ZBBX: variants seen among roughly 807,000 people sequenced by gnomAD.
ZBBX encodes the protein zinc finger B-box domain-containing protein 1.
ZBBX carries 101 observed loss-of-function variants against 108.5 expected under a neutral mutation model. That is an observed-to-expected ratio of 0.93 (90% CI 0.79 to 1.10). ZBBX has a LOEUF of 1.10. Among genes scored for constraint, ZBBX ranks in the 50% least tolerant of loss-of-function variants. The probability of loss-of-function intolerance (pLI) is 0.00; values close to 1 mark genes in which losing one functional copy is unlikely to be tolerated. For synonymous variants in ZBBX, 356 were observed against 323.4 expected (o/e 1.10, Z -1.08); for missense variants, 1,009 against 941.4 (o/e 1.07, Z -0.94).
At chr3:167,399,000 C>T (rs1004628979) in intron 1 of ZBBX, among the ~76,000 whole-genome samples, 3 of 150,904 alleles carry the variant, frequency 2.0e-5, no homozygotes, top group Admixed American at 6.6e-5. Flanking sequence ...TAACAATTAG[C>T]GTGCTCAGCC....
the ZBBX span, among the ~76,000 whole-genome samples, chr3:167,226,398 C>T: frequency 2.0e-5 from 3 of 151,788 alleles, no homozygotes; most frequent in African/African-American, 7.2e-5. Context: ...CTGTCCCTCC[C>T]CTTATTATTA....
In ZBBX at chr3:167,317,553, G is replaced by A; in HGVS notation, c.1028C>T (p.Pro343Leu). 1.2e-6 allele frequency: 2 copies of A among 1,610,812 alleles called. No individual in the cohort carries two copies. Among genetic ancestry groups the A allele is most frequent in the Non-Finnish European group, 1.7e-6 (2 of 1,178,270 alleles). ...QLFKMLPDTFPHPHETTGDAQ... is the reference protein window; with the variant it reads ...QLFKMLPDTFLHPHETTGDAQ... ...ATCACCAGTGGTTTCATGTGGATGTGGGAACGTATCTGGTAGCATTTTAAA... is the reference window on the plus strand; with the variant it reads ...ATCACCAGTGGTTTCATGTGGATGTAGGAACGTATCTGGTAGCATTTTAAA... The change falls in exon 13 of 22, where the codon CCA becomes CTA. Residue 343 changes from proline to leucine, a missense_variant. Pro to Leu is a moderately conservative substitution (Grantham distance 98). Coordinates refer to ENST00000675490, the MANE Select transcript of ZBBX (RefSeq NM_001199201.2).
chr3:167,348,261 G>GGGAAGGAAGGAA (rs71176640), intron 9 of ZBBX, among the ~76,000 whole-genome samples: 6,890 of 74,590 alleles, frequency 0.092, 660 homozygotes, highest in Middle Eastern at 0.11. Flanking sequence ...GAGGGTGGAA[G>GGGAAGGAAGGAA]GGAAGGAAGG....
At chr3:167,215,961 G>A in the ZBBX span, among the ~76,000 whole-genome samples, 58 of 152,184 alleles carry the variant, frequency 3.8e-4, no homozygotes, top group Middle Eastern at 0.01. Flanking sequence ...AATAAACTAG[G>A]TATTGAAGAA....
At chr3:167,315,662 A>G (rs1421839715) in intron 15 of ZBBX, 88 bp downstream of exon 15, 9 of 937,424 alleles carry the variant, frequency 9.6e-6, no homozygotes, top group East Asian at 4.9e-5. Context: ...TTCACACCAC[A>G]TATTTCACAT....
At chr3:167,221,025 A>G in the ZBBX span, among the ~76,000 whole-genome samples, 2 of 151,964 alleles carry the variant, frequency 1.3e-5, no homozygotes, top group African/African-American at 2.4e-5. Context: ...GGTTTCCACA[A>G]TGAAAACTAT....
intron 20 of ZBBX, among the ~76,000 whole-genome samples, chr3:167,264,903 A>T (rs1203679156): frequency 6.6e-6 from 1 of 152,154 alleles, no homozygotes; most frequent in Non-Finnish European, 1.5e-5. Context: ...TGTTTGCCTA[A>T]AGCCCACGGG....
At chr3:167,296,539 C>G (rs1039835361) in intron 18 of ZBBX, among the ~76,000 whole-genome samples, 2 of 151,916 alleles carry the variant, frequency 1.3e-5, no homozygotes, top group Non-Finnish European at 2.9e-5. Context: ...TAGTAGGATA[C>G]AAAGTCAATA....
chr3:167,242,612 T>C lies in ZBBX; in HGVS notation c.2286A>G (p.Ser762=), dbSNP rs1266395261. The C allele has an allele frequency of 1.9e-6, 3 of 1,613,400 alleles. No individual in the cohort carries two copies. Among genetic ancestry groups the C allele is most frequent in the Middle Eastern group, 1.7e-4 (1 of 6,052 alleles). ...DTSEKLYSLT[S]EEFPDFSSQS... is the part of the protein sequence containing the mutation. Reference sequence around the variant, plus strand: ...GGCTGCTGAAATCTGGGAACTCTTCTGAGGTTAAGCTGTAAAGCTTTTCTG... The same window carrying C: ...GGCTGCTGAAATCTGGGAACTCTTCCGAGGTTAAGCTGTAAAGCTTTTCTG... The change falls in exon 21 of 22, where the codon TCA becomes TCG. Residue 762 remains serine (S), a synonymous_variant. Transcript: ENST00000675490.
At chr3:167,368,092 A>G (rs1010694183) in intron 5 of ZBBX, among the ~76,000 whole-genome samples, 6 of 150,884 alleles carry the variant, frequency 4.0e-5, no homozygotes, top group African/African-American at 7.3e-5. Context: ...GGCTCTAAAC[A>G]TAAACTGGTG....
At chr3:167,220,857 C>T in the ZBBX span, among the ~76,000 whole-genome samples, 1 of 151,814 alleles carries the variant, frequency 6.6e-6, no homozygotes, top group African/African-American at 2.4e-5. Flanking sequence ...ACTGTTAGAA[C>T]TGATAAACAC....
At chr3:167,347,222 T>C (rs1741625458) in intron 9 of ZBBX, among the ~76,000 whole-genome samples, 1 of 151,986 alleles carries the variant, frequency 6.6e-6, no homozygotes, top group South Asian at 2.1e-4. Flanking sequence ...TATTATTGTA[T>C]ATATTTAAAG....
At chr3:167,237,467 A>G (rs553460280), downstream of ZBBX, among the ~76,000 whole-genome samples, 2 of 152,012 alleles carry the variant, frequency 1.3e-5, no homozygotes, top group South Asian at 4.1e-4. Context: ...CTCCACTATT[A>G]GTAATATGGC....
intron 5 of ZBBX, among the ~76,000 whole-genome samples, chr3:167,367,587 TAA>T (rs5854237): frequency 6.2e-5 from 9 of 145,504 alleles, no homozygotes; most frequent in African/African-American, 1.0e-4. Context: ...AACTCATTTG[TAA>T]AAAAAAAAAA....
At chr3:167,351,452 G>C (rs1742634560) in intron 8 of ZBBX, among the ~76,000 whole-genome samples, 1 of 152,134 alleles carries the variant, frequency 6.6e-6, no homozygotes, top group African/African-American at 2.4e-5. Context: ...GAGATGATGG[G>C]AGACACCAAG....
At chr3:167,231,305 G>A in the ZBBX span, among the ~76,000 whole-genome samples, 1 of 151,704 alleles carries the variant, frequency 6.6e-6, no homozygotes, top group Non-Finnish European at 1.5e-5. Flanking sequence ...AAAAGGAGAA[G>A]AAATTTCAGA....
chr3:167,310,319 C>G (rs1213440157), intron 16 of ZBBX, among the ~76,000 whole-genome samples: 1 of 152,126 alleles, frequency 6.6e-6, no homozygotes, highest in East Asian at 1.9e-4. Flanking sequence ...TCTTCTGAGC[C>G]CTCCAAACTG....
intron 18 of ZBBX, among the ~76,000 whole-genome samples, chr3:167,293,314 A>G (rs1731045419): frequency 6.6e-6 from 1 of 152,222 alleles, no homozygotes; most frequent in Non-Finnish European, 1.5e-5. Context: ...ATACTGGCAA[A>G]CCAAATCCAG....
At chr3:167,273,533 CAG>C (rs1726919074) in intron 20 of ZBBX, among the ~76,000 whole-genome samples, 1 of 152,154 alleles carries the variant, frequency 6.6e-6, no homozygotes, top group African/African-American at 2.4e-5. Flanking sequence ...TCTCTCATGA[CAG>C]GGGGAGAACT....
Sources: allele counts gnomAD v4.1 joint callset (sites outside exome capture counted in the v4.1 genomes callset), GRCh38; gene constraint gnomAD v4.1.1; transcripts MANE v1.5; gene names NCBI Gene and HGNC (gene_info 2026-07-23, HGNC 2026-07-21).